Variants in DNAJC1 observed in about 807,000 individuals in gnomAD.
DNAJC1 encodes DnaJ heat shock protein family (Hsp40) member C1.
In DNAJC1, 58 loss-of-function variants were observed where a neutral mutation model predicts 76.6. The observed-to-expected ratio is 0.76, with a 90% CI of 0.61 to 0.94. The LOEUF is 0.94. Ranked by LOEUF, DNAJC1 falls within the 40% of genes least tolerant of loss-of-function variation. DNAJC1 has a pLI of 0.00. For synonymous variants in DNAJC1, 258 were observed against 267.9 expected (o/e 0.96, Z 0.36); for missense variants, 689 against 677.3 (o/e 1.02, Z -0.19).
intron 1 of DNAJC1, among the ~76,000 whole-genome samples, chr10:21,971,428 T>C (rs1282130607): frequency 6.6e-6 from 1 of 151,842 alleles, no homozygotes; most frequent in Non-Finnish European, 1.5e-5. Flanking sequence ...TATGTATTTA[T>C]AATGACCAAC....
chr10:21,773,727 T>C (rs979343050), intron 9 of DNAJC1, among the ~76,000 whole-genome samples: 1 of 152,208 alleles, frequency 6.6e-6, no homozygotes, highest in African/African-American at 2.4e-5. Context: ...TTTGGTGTTC[T>C]GTTATCAGGA....
chr10:21,967,308 G>A (rs1260155781), intron 1 of DNAJC1, among the ~76,000 whole-genome samples: 1 of 151,994 alleles, frequency 6.6e-6, no homozygotes, highest in Non-Finnish European at 1.5e-5. Flanking sequence ...TATGTGTCTG[G>A]CTGTTTCATT....
At chr10:21,939,328 G>A (rs1590058191) in intron 1 of DNAJC1, among the ~76,000 whole-genome samples, 1 of 152,112 alleles carries the variant, frequency 6.6e-6, no homozygotes, top group African/African-American at 2.4e-5. Flanking sequence ...TTATATTTAG[G>A]AACTTCAAAC....
intron 4 of DNAJC1, 23 bp from the exon 5 acceptor site, chr10:21,919,952 T>A (rs754061754): frequency 2.7e-5 from 40 of 1,460,664 alleles, no homozygotes; most frequent in Non-Finnish European, 3.7e-5. Context: ...AGAATTATGG[T>A]TACAGGTTAT....
chr10:21,927,412 T>C (rs531645635), intron 3 of DNAJC1, among the ~76,000 whole-genome samples: 68 of 152,340 alleles, frequency 4.5e-4, no homozygotes, highest in African/African-American at 1.6e-3. Flanking sequence ...TGTCTGGAGA[T>C]GTATTACCCC....
chr10:21,896,635 A>G (rs1456061861), intron 7 of DNAJC1, among the ~76,000 whole-genome samples: 1 of 152,136 alleles, frequency 6.6e-6, no homozygotes, highest in African/African-American at 2.4e-5. Context: ...AAGACTATAG[A>G]CCTTAAACTT....
rs532971786 is a variant in DNAJC1 at position 21,813,175 on chromosome 10, CCTCTCTCTCTCTCTCTCTCTCT to C, written c.979-7098_979-7077del. 1.0e-3 allele frequency among the ~76,000 whole-genome samples: 29 copies of C among 28,330 alleles called. 1 individual carries two copies. The highest frequency in any genetic ancestry group is 4.3e-3 in the South Asian group (2 of 462). 18.6% of individuals were successfully genotyped at this position (28,330 alleles called of 152,430 possible). A position where few individuals can be genotyped will look rare whatever the true frequency, so the allele number is the denominator to read the frequency against. On this transcript the variant is annotated intron_variant, in intron 8 of 11. Coordinates refer to ENST00000376980, the MANE Select transcript of DNAJC1 (RefSeq NM_022365.4). Reference sequence around the variant, plus strand: ...GTCTCTCTCTCTCTCTCTCTCTCTCCCTCTCTCTCTCTCTCTCTCTCTCTCTCTCTCTCTCTCTCTCTCTCTA... The same window carrying C: ...GTCTCTCTCTCTCTCTCTCTCTCTCCCTCTCTCTCTCTCTCTCTCTCTCTA...
intron 8 of DNAJC1, among the ~76,000 whole-genome samples, chr10:21,866,440 G>A (rs909905143): frequency 6.6e-6 from 1 of 151,906 alleles, no homozygotes; most frequent in African/African-American, 2.4e-5. Flanking sequence ...AAGCAGAAAA[G>A]TTACTAGAAA....
intron 8 of DNAJC1, 55 bp from the exon 9 acceptor site, chr10:21,806,154 A>G: frequency 6.5e-7 from 1 of 1,529,260 alleles, no homozygotes; most frequent in Non-Finnish European, 8.8e-7. Flanking sequence ...TAAAAAGATA[A>G]TTGGAAGAAT....
chr10:21,927,718 C>T (rs948283263), intron 3 of DNAJC1, among the ~76,000 whole-genome samples: 42 of 151,748 alleles, frequency 2.8e-4, no homozygotes, highest in African/African-American at 9.4e-4. Context: ...TGTGTGTGTG[C>T]GTATGTGTTG....
At chr10:21,992,128 T>C (rs891893104) in intron 1 of DNAJC1, among the ~76,000 whole-genome samples, 3 of 152,176 alleles carry the variant, frequency 2.0e-5, no homozygotes, top group African/African-American at 7.2e-5. Context: ...CTGACCAATA[T>C]GGTGAAACCC....
chr10:21,765,305 T>C (rs1319962854), intron 10 of DNAJC1, among the ~76,000 whole-genome samples: 3 of 152,128 alleles, frequency 2.0e-5, no homozygotes, highest in Admixed American at 6.5e-5. Context: ...TGGGCTCAAG[T>C]GATCCTCCCG....
At chr10:21,929,874 T>C (rs937872885) in intron 1 of DNAJC1, among the ~76,000 whole-genome samples, 7 of 152,218 alleles carry the variant, frequency 4.6e-5, no homozygotes, top group Non-Finnish European at 7.3e-5. Context: ...GATATTAAAA[T>C]TACATTTTAT....
intron 8 of DNAJC1, among the ~76,000 whole-genome samples, chr10:21,844,101 G>C (rs142353381): frequency 7.8e-4 from 119 of 152,204 alleles, no homozygotes; most frequent in African/African-American, 2.5e-3. Flanking sequence ...CTTCCACCAT[G>C]ATTATGAGAC....
intron 8 of DNAJC1, among the ~76,000 whole-genome samples, chr10:21,852,214 A>T (rs1835768413): frequency 6.6e-6 from 1 of 152,164 alleles, no homozygotes; most frequent in African/African-American, 2.4e-5. Context: ...GAAAGGAGGC[A>T]GAAACAAAAG....
intron 1 of DNAJC1, among the ~76,000 whole-genome samples, chr10:21,967,100 G>A (rs1837906291): frequency 6.9e-6 from 1 of 145,456 alleles, no homozygotes; most frequent in Non-Finnish European, 1.5e-5. Context: ...TATTTTAAGT[G>A]TACAACTTTT....
At chr10:21,832,826 C>G (rs1835382547) in intron 8 of DNAJC1, among the ~76,000 whole-genome samples, 1 of 152,138 alleles carries the variant, frequency 6.6e-6, no homozygotes, top group Non-Finnish European at 1.5e-5. Context: ...ACACTCTAAC[C>G]TCTCATTCAA....
At position 21,971,243 on chromosome 10, in the gene DNAJC1, GTTCCCT is replaced by G. The variant is rs1175029917; in HGVS notation, c.222+31964_222+31969del. On this transcript the variant is annotated intron_variant, in intron 1 of 11. Coordinates refer to ENST00000376980, the MANE Select transcript of DNAJC1 (RefSeq NM_022365.4). ...GGAAACCAATGACTGCTAGTGAATA[GTTCCCT>G]TTTAACATTAGATTTGGCTGATCAA... Among the ~76,000 whole-genome samples the G allele has an allele frequency of 6.6e-5, 10 of 151,824 alleles. No individual in the cohort carries two copies. In the East Asian group the frequency reaches 1.7e-3, roughly 26 times the overall value.
At chr10:21,780,827 C>T (rs1834519123) in intron 9 of DNAJC1, among the ~76,000 whole-genome samples, 2 of 152,156 alleles carry the variant, frequency 1.3e-5, no homozygotes, top group African/African-American at 4.8e-5. Context: ...CAAGACCCAT[C>T]AGTGTGCTGT....
Sources: allele counts gnomAD v4.1 joint callset (sites outside exome capture counted in the v4.1 genomes callset), GRCh38; gene constraint gnomAD v4.1.1; transcripts MANE v1.5; gene names NCBI Gene and HGNC (gene_info 2026-07-23, HGNC 2026-07-21).